BTRC: variants seen among roughly 807,000 people sequenced by gnomAD.
The protein encoded by BTRC is beta-transducin repeat containing E3 ubiquitin protein ligase.
In BTRC, 42 loss-of-function variants were observed where a neutral mutation model predicts 85.5. The observed-to-expected ratio is 0.49, with a 90% CI of 0.38 to 0.64. BTRC has a LOEUF of 0.64. Among genes scored for constraint, BTRC ranks in the 30% least tolerant of loss-of-function variants. BTRC has a pLI of 0.00. For synonymous variants in BTRC, 255 were observed against 263.3 expected (o/e 0.97, Z 0.30); for missense variants, 594 against 743.5 (o/e 0.80, Z 2.34).
intron 4 of BTRC, among the ~76,000 whole-genome samples, chr10:101,506,649 T>G (rs984999547): frequency 2.6e-5 from 4 of 152,198 alleles, no homozygotes; most frequent in Non-Finnish European, 5.9e-5. Flanking sequence ...AATTCCAAGC[T>G]CAGATTCAAA....
intron 1 of BTRC, among the ~76,000 whole-genome samples, chr10:101,369,258 TCC>T (rs541151928): frequency 6.0e-4 from 91 of 152,070 alleles, no homozygotes; most frequent in African/African-American, 2.2e-3. Context: ...TGCCCTCTTG[TCC>T]AGGCTCTCGA....
intron 1 of BTRC, among the ~76,000 whole-genome samples, chr10:101,384,835 T>G (rs1943025701): frequency 6.6e-6 from 1 of 152,184 alleles, no homozygotes; most frequent in African/African-American, 2.4e-5. Flanking sequence ...GAAGATCAAC[T>G]GAGGACAAGA....
intron 13 of BTRC, among the ~76,000 whole-genome samples, chr10:101,545,323 A>C (rs191241225): frequency 6.6e-6 from 1 of 152,372 alleles, no homozygotes; most frequent in East Asian, 1.9e-4. Flanking sequence ...GAAGAAGGCT[A>C]AACTTATGTT....
chr10:101,427,118 T>C (rs1406099047), intron 1 of BTRC, among the ~76,000 whole-genome samples: 3 of 59,668 alleles, frequency 5.0e-5, no homozygotes, highest in African/African-American at 1.2e-4. Context: ...TCTTTCTTTT[T>C]TTTTTTTTTT....
chr10:101,479,624 C>T (rs776896072), intron 4 of BTRC, among the ~76,000 whole-genome samples, 167 bp downstream of exon 4: 3 of 152,198 alleles, frequency 2.0e-5, no homozygotes, highest in East Asian at 1.9e-4. Flanking sequence ...TTAGATTCTC[C>T]ACCTCTTAAT....
At chr10:101,440,373 AGAAT>A (rs541846366) in intron 2 of BTRC, among the ~76,000 whole-genome samples, 97 of 152,324 alleles carry the variant, frequency 6.4e-4, no homozygotes, top group Non-Finnish European at 1.3e-3. Context: ...GTTTTAACTG[AGAAT>A]GAATGGCCTT....
intron 2 of BTRC, among the ~76,000 whole-genome samples, chr10:101,436,382 C>T (rs533659089): frequency 1.4e-4 from 21 of 152,226 alleles, no homozygotes; most frequent in African/African-American, 4.1e-4. Context: ...CGGTGATGCA[C>T]GCTTATAATC....
intron 2 of BTRC, among the ~76,000 whole-genome samples, chr10:101,455,376 AT>A (rs1185603982): frequency 6.6e-6 from 1 of 152,306 alleles, no homozygotes. Flanking sequence ...AACCTCTGAA[AT>A]ATAAGATGAA....
intron 1 of BTRC, among the ~76,000 whole-genome samples, chr10:101,371,862 G>C (rs1403063263): frequency 6.6e-6 from 1 of 151,934 alleles, no homozygotes; most frequent in Non-Finnish European, 1.5e-5. Context: ...TGCCAGACAG[G>C]TAATGTGCCT....
intron 2 of BTRC, among the ~76,000 whole-genome samples, chr10:101,435,681 A>G (rs961120616): frequency 5.3e-5 from 8 of 151,734 alleles, no homozygotes; most frequent in Admixed American, 2.6e-4. Flanking sequence ...TTTTTTTGGC[A>G]TGTATTTTTA....
intron 5 of BTRC, among the ~76,000 whole-genome samples, chr10:101,523,191 G>A (rs1480423083): frequency 1.3e-5 from 2 of 152,072 alleles, no homozygotes; most frequent in Non-Finnish European, 2.9e-5. Flanking sequence ...GCGACAGGGC[G>A]AGACTCCATC....
rs979124602 is a variant in BTRC at position 101,555,660 on chromosome 10, A to G, written c.*2537A>G. Reference sequence around the variant, plus strand: ...CTCTGCATGATTTCAGTGGGAATTGATTATCACTAATCCCCAACTGGGCTA... The same window carrying G: ...CTCTGCATGATTTCAGTGGGAATTGGTTATCACTAATCCCCAACTGGGCTA... On this transcript the variant is annotated 3_prime_UTR_variant, in exon 15 of 15. Coordinates refer to ENST00000370187, the MANE Select transcript of BTRC (RefSeq NM_033637.4). 1 of 152,762 alleles carries G rather than the reference A, an allele frequency of 6.5e-6. No individual in the cohort carries two copies. Among genetic ancestry groups the G allele is most frequent in the Non-Finnish European group, 1.5e-5 (1 of 68,042 alleles). The allele number at this position is 152,762 out of a possible 1,614,324, so 9.5% of individuals were successfully genotyped here. A position where few individuals can be genotyped will look rare whatever the true frequency, so the allele number is the denominator to read the frequency against.
At chr10:101,414,528 GCTACTT>G (rs1943872816) in intron 1 of BTRC, 1 of 387,822 alleles carries the variant, frequency 2.6e-6, no homozygotes. Context: ...TTTAGAGTGG[GCTACTT>G]CTACTTATTA....
rs750568452 is a variant in BTRC at position 101,534,669 on chromosome 10, A to C, written c.1106A>C (p.Asp369Ala). ...GSSDSTVRVW[D>A]VNTGEMLNTL... The stretch of plus-strand genomic sequence containing the variant: ...TCATCTATCACTTCCAGAGTGTGGG[A>C]TGTAAATACAGGTGAAATGCTAAAC... Residue 369 changes from aspartate to alanine, a missense_variant, in exon 10 of 15, where the codon GAT (aspartate) becomes GCT (alanine). Physicochemically the swap from Asp to Ala is moderately radical, Grantham distance 126. Coordinates refer to ENST00000370187, the MANE Select transcript of BTRC (RefSeq NM_033637.4). The C allele has an allele frequency of 1.2e-6, 2 of 1,614,172 alleles. No homozygotes were observed. Among genetic ancestry groups the C allele is most frequent in the South Asian group, 2.2e-5 (2 of 91,084 alleles).
intron 2 of BTRC, among the ~76,000 whole-genome samples, chr10:101,460,086 TTTTA>T (rs1945184813): frequency 6.6e-6 from 1 of 152,180 alleles, no homozygotes; most frequent in Non-Finnish European, 1.5e-5. Context: ...TATCTGATCT[TTTTA>T]TTTATTTATT....
chr10:101,473,741 T>C (rs1326355377), intron 3 of BTRC, among the ~76,000 whole-genome samples: 1 of 151,722 alleles, frequency 6.6e-6, no homozygotes, highest in South Asian at 2.1e-4. Context: ...AAGTGCTAGG[T>C]GTAAGTCACT....
intron 2 of BTRC, among the ~76,000 whole-genome samples, 174 bp from the exon 3 acceptor site, chr10:101,461,807 C>T (rs556084588): frequency 6.6e-6 from 1 of 152,248 alleles, no homozygotes; most frequent in East Asian, 1.9e-4. Flanking sequence ...TATACATGGG[C>T]ATATGTTTTC....
intron 13 of BTRC, among the ~76,000 whole-genome samples, chr10:101,538,865 C>T (rs866601610): frequency 2.6e-5 from 4 of 152,004 alleles, no homozygotes; most frequent in Middle Eastern, 3.4e-3. Context: ...TTGACCAACA[C>T]GGTGAAACCC....
chr10:101,501,657 C>T (rs9420839), intron 4 of BTRC, among the ~76,000 whole-genome samples: 55,888 of 151,888 alleles, frequency 0.37, 11,519 homozygotes, highest in Middle Eastern at 0.49. Context: ...TCTTGAGCCT[C>T]GTATTTATAG....
Sources: allele counts gnomAD v4.1 joint callset (sites outside exome capture counted in the v4.1 genomes callset), GRCh38; gene constraint gnomAD v4.1.1; transcripts MANE v1.5; gene names NCBI Gene and HGNC (gene_info 2026-07-23, HGNC 2026-07-21).